TSPAN5: variants seen among roughly 807,000 people sequenced by gnomAD.
The protein encoded by TSPAN5 is tetraspanin-5.
A neutral mutation model predicts 37.1 loss-of-function variants in TSPAN5; 10 were observed. The observed-to-expected ratio is 0.27, with a 90% confidence interval of 0.17 to 0.46. TSPAN5 has a LOEUF of 0.46. Among genes scored for constraint, TSPAN5 ranks in the 20% least tolerant of loss-of-function variants. The pLI is 1.00. For synonymous variants in TSPAN5, 110 were observed against 118.9 expected (o/e 0.93, Z 0.48); for missense variants, 195 against 326.6 (o/e 0.60, Z 3.11).
chr4:98,473,339 T>C (rs1752626743), intron 7 of TSPAN5, among the ~76,000 whole-genome samples: 1 of 152,222 alleles, frequency 6.6e-6, no homozygotes, highest in Admixed American at 6.5e-5. Context: ...CCGATACTTG[T>C]TATTGTCTGT....
In TSPAN5 at chr4:98,516,547, G is replaced by A. The variant is rs930563996; in HGVS notation, c.82-8819C>T. Reference sequence around the variant, plus strand: ...CTCATCTTAGCTAAAGCTACTTTGGGGGCATTCTGTTACATGCAGCCAAAA... The same window carrying A: ...CTCATCTTAGCTAAAGCTACTTTGGAGGCATTCTGTTACATGCAGCCAAAA... On this transcript the variant is annotated intron_variant, in intron 1 of 7. Coordinates refer to ENST00000305798, the MANE Select transcript of TSPAN5 (RefSeq NM_005723.4). 3.3e-5 allele frequency among the ~76,000 whole-genome samples: 5 copies of A among 152,300 alleles called. No individual in the cohort carries two copies. The South Asian group carries it at 1.0e-3, about 32-fold the overall frequency.
At chr4:98,570,007 A>G (rs1755085634) in intron 1 of TSPAN5, among the ~76,000 whole-genome samples, 1 of 152,204 alleles carries the variant, frequency 6.6e-6, no homozygotes, top group African/African-American at 2.4e-5. Flanking sequence ...AGGTTCTATG[A>G]TGGGGATGTG....
At chr4:98,484,306 T>C in intron 3 of TSPAN5, 1 of 389,358 alleles carries the variant, frequency 2.6e-6, no homozygotes, top group East Asian at 7.1e-5. Flanking sequence ...GTATCTTAGT[T>C]CCTAGATTTT....
chr4:98,478,658 G>A, intron 5 of TSPAN5, 27 bp downstream of exon 5: 1 of 1,614,008 alleles, frequency 6.2e-7, no homozygotes, highest in South Asian at 1.1e-5. Flanking sequence ...TACAGAGTAG[G>A]CCAATAGTTC....
At chr4:98,631,726 G>C (rs1209200908) in intron 1 of TSPAN5, among the ~76,000 whole-genome samples, 1 of 152,100 alleles carries the variant, frequency 6.6e-6, no homozygotes, top group African/African-American at 2.4e-5. Context: ...CTTTTCCCCT[G>C]AAGGGACCCA....
At chr4:98,478,903 C>A in intron 4 of TSPAN5, 93 bp from the exon 5 acceptor site, 1 of 1,469,550 alleles carries the variant, frequency 6.8e-7, no homozygotes, top group Non-Finnish European at 9.3e-7. Context: ...CTTCTGCCAG[C>A]TCTGACCTTC....
chr4:98,570,932 T>A (rs529678330), intron 1 of TSPAN5, among the ~76,000 whole-genome samples: 1 of 151,098 alleles, frequency 6.6e-6, no homozygotes, highest in East Asian at 2.0e-4. Flanking sequence ...CCTCTCAGGG[T>A]GCCTGAGAGG....
chr4:98,501,592 T>C (rs1753350588), intron 2 of TSPAN5, among the ~76,000 whole-genome samples: 1 of 152,128 alleles, frequency 6.6e-6, no homozygotes, highest in Non-Finnish European at 1.5e-5. Context: ...AAGTAGAAGA[T>C]AGCACTCATG....
rs1168892106 is a variant in TSPAN5, at chr4:98,641,134, A to G, written c.81+17012T>C. Among the ~76,000 whole-genome samples the G allele has an allele frequency of 3.3e-5, 5 of 152,314 alleles. No individual in the cohort carries two copies. In the East Asian group the frequency reaches 9.6e-4, roughly 29 times the overall value. On this transcript the variant is annotated intron_variant, in intron 1 of 7. Transcript: ENST00000305798. ...GAGGGGAGAAAAAGTTAAATCACAGAAATAAAAAAGTAAATATCCCCTCTT... is the reference window on the plus strand; with the variant it reads ...GAGGGGAGAAAAAGTTAAATCACAGGAATAAAAAAGTAAATATCCCCTCTT...
intron 1 of TSPAN5, among the ~76,000 whole-genome samples, chr4:98,654,906 G>A (rs887536792): frequency 6.6e-6 from 1 of 152,176 alleles, no homozygotes; most frequent in Non-Finnish European, 1.5e-5. Context: ...GAGTACAGTG[G>A]TGTGATCTTG....
intron 1 of TSPAN5, among the ~76,000 whole-genome samples, chr4:98,553,349 T>G (rs1392860122): frequency 6.6e-6 from 1 of 152,196 alleles, no homozygotes; most frequent in Non-Finnish European, 1.5e-5. Flanking sequence ...AACAATACAT[T>G]AAATATCACA....
intron 1 of TSPAN5, among the ~76,000 whole-genome samples, chr4:98,553,373 C>G (rs796743462): frequency 1.3e-4 from 20 of 152,236 alleles, no homozygotes; most frequent in African/African-American, 4.3e-4. Context: ...TTTTTAAAAA[C>G]TACTGTCTCT....
intron 1 of TSPAN5, among the ~76,000 whole-genome samples, chr4:98,536,408 G>C (rs1754234504): frequency 6.6e-6 from 1 of 152,184 alleles, no homozygotes; most frequent in Admixed American, 6.5e-5. Context: ...CCAGATGCCA[G>C]CCAGAGCTCT....
chr4:98,502,464 T>A (rs1373482047), intron 2 of TSPAN5, among the ~76,000 whole-genome samples: 1 of 152,138 alleles, frequency 6.6e-6, no homozygotes, highest in Non-Finnish European at 1.5e-5. Context: ...GAGTGTGATA[T>A]CCTGGAAGCC....
At chr4:98,618,913 T>C (rs997458413) in intron 1 of TSPAN5, among the ~76,000 whole-genome samples, 1 of 152,282 alleles carries the variant, frequency 6.6e-6, no homozygotes, top group East Asian at 1.9e-4. Flanking sequence ...GACAAGTGAA[T>C]CGTGTGCTAG....
At chr4:98,488,604 A>C (rs1318456541) in intron 2 of TSPAN5, among the ~76,000 whole-genome samples, 1 of 152,224 alleles carries the variant, frequency 6.6e-6, no homozygotes, top group Non-Finnish European at 1.5e-5. Flanking sequence ...CATAGACCAA[A>C]GGTTTGATCC....
intron 2 of TSPAN5, among the ~76,000 whole-genome samples, chr4:98,490,593 C>T (rs1753063859): frequency 6.6e-6 from 1 of 152,172 alleles, no homozygotes; most frequent in Admixed American, 6.5e-5. Context: ...TAATCTCCCA[C>T]AAAGCATAGG....
intron 1 of TSPAN5, among the ~76,000 whole-genome samples, chr4:98,577,299 C>T (rs1050247553): frequency 6.6e-6 from 1 of 152,136 alleles, no homozygotes; most frequent in South Asian, 2.1e-4. Context: ...ACTTCTCATG[C>T]AGAAGTTACT....
chr4:98,561,235 G>C (rs1051329699), intron 1 of TSPAN5, among the ~76,000 whole-genome samples: 4 of 152,252 alleles, frequency 2.6e-5, no homozygotes, highest in African/African-American at 9.6e-5. Context: ...CCATAACGTG[G>C]AAAGGGCCTG....
Sources: allele counts gnomAD v4.1 joint callset (sites outside exome capture counted in the v4.1 genomes callset), GRCh38; gene constraint gnomAD v4.1.1; transcripts MANE v1.5; gene names NCBI Gene and HGNC (gene_info 2026-07-23, HGNC 2026-07-21).